Variants in KCNC4 observed in about 807,000 individuals in gnomAD.
The protein encoded by KCNC4 is voltage-gated potassium channel KCNC4.
KCNC4 carries 23 observed loss-of-function variants against 42.8 expected under a neutral mutation model. That is an observed-to-expected ratio of 0.54 (90% confidence interval 0.39 to 0.76). The LOEUF (loss-of-function observed/expected upper bound fraction) is 0.76. KCNC4 is among the 30% of genes least tolerant of loss of function. The pLI, the probability that KCNC4 is intolerant of heterozygous loss-of-function variation, is 0.00. For synonymous variants in KCNC4, 422 were observed against 393.5 expected, an observed-to-expected ratio of 1.07 and a Z score of -0.86; for missense variants, 751 against 898.2, an observed-to-expected ratio of 0.84 and a Z score of 2.10.
exon 4 of KCNC4, chr1:110,244,161 T>A (rs1571066591): frequency 6.6e-6 from 1 of 152,058 alleles, no homozygotes; most frequent in African/African-American, 2.4e-5. Flanking sequence ...TAAATGGAGG[T>A]TTAGGAATCT....
chr1:110,216,776 C>T (rs1351494432), intron 1 of KCNC4, among the ~76,000 whole-genome samples: 1 of 152,186 alleles, frequency 6.6e-6, no homozygotes, highest in Non-Finnish European at 1.5e-5. Context: ...TGACCTCTGG[C>T]CCTGCTCCCT....
intron 1 of KCNC4, among the ~76,000 whole-genome samples, chr1:110,256,136 T>A (rs979716837): frequency 1.3e-5 from 2 of 152,328 alleles, no homozygotes; most frequent in East Asian, 3.9e-4. Flanking sequence ...ATTCTTGCTA[T>A]CATCTGGGGA....
At chr1:110,212,470 C>T (rs1283524175) in intron 1 of KCNC4, among the ~76,000 whole-genome samples, 2 of 152,190 alleles carry the variant, frequency 1.3e-5, no homozygotes, top group African/African-American at 2.4e-5. Flanking sequence ...AGCTCAGCTC[C>T]TCCACCCCCT....
At chr1:110,253,785 C>G (rs75739954), downstream of KCNC4, among the ~76,000 whole-genome samples, 252 of 152,320 alleles carry the variant, frequency 1.7e-3, 2 homozygotes, top group Non-Finnish European at 3.0e-3. Flanking sequence ...GCTCTGAGGG[C>G]AGCAGAAGTC....
intron 1 of KCNC4, among the ~76,000 whole-genome samples, chr1:110,275,970 A>AAAG (rs1234873802): frequency 6.6e-6 from 1 of 151,430 alleles, no homozygotes; most frequent in Non-Finnish European, 1.5e-5. Context: ...AAAAAAAAAA[A>AAAG]AAGAAGAATG....
rs1657432763 is a variant in KCNC4 at position 110,211,359 on chromosome 1, C to A, written c.-141C>A. The A allele has an allele frequency of 7.8e-7, 1 of 1,282,302 alleles. No individual in the cohort carries two copies. Among genetic ancestry groups the A allele is most frequent in the Non-Finnish European group, 1.1e-6 (1 of 946,574 alleles). 79.4% of individuals were successfully genotyped at this position (1,282,302 alleles called of 1,614,324 possible). On this transcript the variant is annotated 5_prime_UTR_variant, in exon 1 of 4. Coordinates refer to ENST00000438661, the MANE Select transcript of KCNC4 (RefSeq NM_001039574.3). This position sits in a 1 kb window ranked among gnomAD's most constrained non-coding sequence, Gnocchi z 6.5. ...CGCGTCCTAGGGGGATAGGCAGGGGCAAGCCCAAGCCGCAGAGGGGGCCGC... is the reference window on the plus strand; with the variant it reads ...CGCGTCCTAGGGGGATAGGCAGGGGAAAGCCCAAGCCGCAGAGGGGGCCGC...
chr1:110,263,824 G>C (rs1426187970), intron 1 of KCNC4, among the ~76,000 whole-genome samples: 2 of 71,812 alleles, frequency 2.8e-5, no homozygotes, highest in Non-Finnish European at 4.9e-5. Flanking sequence ...CTTTCAGTGA[G>C]GGGGGGGAGC....
Position 110,223,799 on chromosome 1 carries a change from C to T in KCNC4, c.1514C>T (p.Pro505Leu). ...CCACGGCCGGCGCAGCTGGAGTCACCCATGTACTGCAAGTCTGAGGAGACT... is the reference window on the plus strand; with the variant it reads ...CCACGGCCGGCGCAGCTGGAGTCACTCATGTACTGCAAGTCTGAGGAGACT... ...HVPRPAQLES[P>L]MYCKSEETSP... The change falls in exon 2 of 4, where the codon CCC becomes CTC. Residue 505 changes from proline (P) to leucine (L), a missense_variant. Coordinates refer to ENST00000438661, the MANE Select transcript of KCNC4 (RefSeq NM_001039574.3). The surrounding 1 kb of genome is among the most constrained non-coding windows in gnomAD (Gnocchi z 7.5). The T allele has an allele frequency of 6.2e-7, 1 of 1,614,072 alleles. No individual in the cohort carries two copies. The highest frequency in any genetic ancestry group is 1.1e-5 in the South Asian group (1 of 91,078).
exon 4 of KCNC4, chr1:110,244,753 C>G (rs997421206): frequency 6.6e-5 from 10 of 152,256 alleles, no homozygotes; most frequent in African/African-American, 2.4e-4. Flanking sequence ...ACTGACTTCT[C>G]TAGAATTCAG....
At chr1:110,222,790 C>T in intron 1 of KCNC4, 174 bp from the exon 2 acceptor site, 2 of 588,838 alleles carry the variant, frequency 3.4e-6, no homozygotes, top group Non-Finnish European at 3.0e-6. Flanking sequence ...AGCCCCCAAG[C>T]ATATGGATAA....
intron 2 of KCNC4, chr1:110,282,897 C>G (rs2101096998): frequency 6.6e-6 from 1 of 152,322 alleles, no homozygotes. Context: ...CACTAAACTT[C>G]TAAGAGACTG....
Position 110,216,862 on chromosome 1 carries a change from C to T in KCNC4, c.678+4685C>T, listed in dbSNP as rs548420713. 2.5e-4 allele frequency among the ~76,000 whole-genome samples: 38 copies of T among 152,266 alleles called. 1 individual carries two copies. Among genetic ancestry groups the T allele is most frequent in the African/African-American group, 7.0e-4 (29 of 41,546 alleles). The stretch of plus-strand genomic sequence containing the variant: ...TCCTTATCTGGAAGTGGACCTGGCT[C>T]GCTCTGGAGGGCAGCAGAGGTCCTA... On this transcript the variant is annotated intron_variant, in intron 1 of 3. Transcript: ENST00000438661.
At chr1:110,279,764 C>G (rs1042220391) in intron 1 of KCNC4, among the ~76,000 whole-genome samples, 12 of 151,578 alleles carry the variant, frequency 7.9e-5, no homozygotes, top group Admixed American at 3.9e-4. Flanking sequence ...TTTATTATCC[C>G]CTTCCTGGTT....
At chr1:110,279,803 T>TC (rs1327664624) in intron 1 of KCNC4, among the ~76,000 whole-genome samples, 2 of 145,838 alleles carry the variant, frequency 1.4e-5, no homozygotes, top group East Asian at 4.0e-4. Context: ...TTTTTTTTTT[T>TC]TTTTTTTTTT....
chr1:110,224,211 C>A, intron 2 of KCNC4: 1 of 331,228 alleles, frequency 3.0e-6, no homozygotes, highest in Non-Finnish European at 5.5e-6. Context: ...GCTGTGTGCC[C>A]TGAGGCCAGT....
rs1177181844 is a variant in KCNC4 at position 110,210,648 on chromosome 1, C to T, written c.-852C>T. Among the ~76,000 whole-genome samples the T allele has an allele frequency of 1.3e-5, 2 of 151,062 alleles. No individual in the cohort carries two copies. The highest frequency in any genetic ancestry group is 3.0e-5 in the Non-Finnish European group (2 of 67,690). On this transcript the variant is annotated 5_prime_UTR_variant, in exon 1 of 4. Coordinates refer to ENST00000438661, the MANE Select transcript of KCNC4 (RefSeq NM_001039574.3). ...AGCCCGGCTCCCCAGAGCGGCCCCG[C>T]CCCCCAGGCTCGGCGCCGCGCAGGA...
intron 1 of KCNC4, among the ~76,000 whole-genome samples, chr1:110,217,022 C>G (rs766492887): frequency 8.5e-5 from 13 of 152,190 alleles, no homozygotes; most frequent in Non-Finnish European, 1.5e-4. Flanking sequence ...TGGCCCCAGT[C>G]ATTCAGAAAA....
At chr1:110,212,525 C>CCACA (rs1657541041) in intron 1 of KCNC4, among the ~76,000 whole-genome samples, 1 of 152,180 alleles carries the variant, frequency 6.6e-6, no homozygotes, top group Non-Finnish European at 1.5e-5. Context: ...GCCCTCCACT[C>CCACA]CACACAGGAC....
At chr1:110,259,586 G>C (rs75313099) in intron 1 of KCNC4, among the ~76,000 whole-genome samples, 5,137 of 152,252 alleles carry the variant, frequency 0.034, 151 homozygotes, top group East Asian at 0.1. Flanking sequence ...AAAGGCCCAA[G>C]AGGCTGCATT....
Sources: gnomAD v4.1 joint callset for allele counts (sites outside exome capture counted in the v4.1 genomes callset) on GRCh38, gnomAD v4.1.1 for gene constraint, Gnocchi (gnomAD v3.1) non-coding constraint, MANE v1.5 for transcripts, NCBI Gene and HGNC (gene_info 2026-07-23, HGNC 2026-07-21) for gene names.